SYNJ1: variants seen among roughly 807,000 people sequenced by gnomAD.
SYNJ1 encodes polyphosphatidylinositol phosphatase SYNJ1.
A neutral mutation model predicts 168.2 loss-of-function variants in SYNJ1; 78 were observed. The observed-to-expected ratio is 0.46, with a 90% CI of 0.39 to 0.56. The LOEUF is 0.56. SYNJ1 is among the 20% of genes least tolerant of loss of function. SYNJ1 has a pLI of 0.00. For synonymous variants in SYNJ1, 539 were observed against 548.6 expected (o/e 0.98, Z 0.24); for missense variants, 1,303 against 1,597.6 (o/e 0.82, Z 3.14).
intron 11 of SYNJ1, among the ~76,000 whole-genome samples, chr21:32,679,337 G>T (rs1379696989): frequency 6.6e-6 from 1 of 152,078 alleles, no homozygotes; most frequent in Non-Finnish European, 1.5e-5. Flanking sequence ...AGTCTCAAAA[G>T]AAATTTACAA....
At chr21:32,703,191 G>A (rs540998395) in intron 2 of SYNJ1, among the ~76,000 whole-genome samples, 1 of 152,190 alleles carries the variant, frequency 6.6e-6, no homozygotes, top group African/African-American at 2.4e-5. Flanking sequence ...AACTGACTCA[G>A]TCACTCAATT....
At chr21:32,663,116 T>C (rs2040781332) in intron 18 of SYNJ1, among the ~76,000 whole-genome samples, 1 of 152,164 alleles carries the variant, frequency 6.6e-6, no homozygotes, top group South Asian at 2.1e-4. Flanking sequence ...TCACATTATG[T>C]ATGTGGAGGA....
At chr21:32,633,587 A>G (rs1197211008) in intron 32 of SYNJ1, among the ~76,000 whole-genome samples, 1 of 152,234 alleles carries the variant, frequency 6.6e-6, no homozygotes, top group Non-Finnish European at 1.5e-5. Context: ...GCACTGCCCA[A>G]AAGGAATTTG....
At chr21:32,697,498 TAAAAAA>T (rs200017303) in intron 4 of SYNJ1, among the ~76,000 whole-genome samples, 1 of 143,684 alleles carries the variant, frequency 7.0e-6, no homozygotes, top group African/African-American at 2.5e-5. Context: ...TTAAGTGAAT[TAAAAAA>T]AAAAAAAAAG....
At chr21:32,642,533 A>G (rs2039887907) in intron 27 of SYNJ1, among the ~76,000 whole-genome samples, 1 of 152,242 alleles carries the variant, frequency 6.6e-6, no homozygotes. Flanking sequence ...AGCAACAGAC[A>G]GGACTGCATT....
intron 5 of SYNJ1, 135 bp downstream of exon 5, chr21:32,694,922 T>C (rs745966044): frequency 3.2e-5 from 31 of 981,198 alleles, no homozygotes; most frequent in Non-Finnish European, 4.3e-5. Flanking sequence ...TTAAGGCCCA[T>C]AAGTAACCAA....
chr21:32,728,071 C>A, upstream of SYNJ1: 1 of 1,522,198 alleles, frequency 6.6e-7, no homozygotes, highest in Non-Finnish European at 8.8e-7. Flanking sequence ...AAGATCCGCC[C>A]CGCGCGAGGG....
intron 8 of SYNJ1, 122 bp from the exon 9 acceptor site, chr21:32,686,039 C>T: frequency 1.1e-6 from 1 of 943,248 alleles, no homozygotes; most frequent in East Asian, 2.8e-5. Flanking sequence ...CAAAAACTAT[C>T]CCTGAGAGAT....
At chr21:32,693,575 T>TATAC (rs1321627673) in intron 6 of SYNJ1, among the ~76,000 whole-genome samples, 1 of 152,186 alleles carries the variant, frequency 6.6e-6, no homozygotes, top group African/African-American at 2.4e-5. Context: ...CTTACTAGAC[T>TATAC]ATACATACCC....
intron 18 of SYNJ1, among the ~76,000 whole-genome samples, chr21:32,661,780 T>C (rs1369689582): frequency 6.6e-6 from 1 of 152,150 alleles, no homozygotes; most frequent in Non-Finnish European, 1.5e-5. Context: ...ACTCCCCTTA[T>C]GAAATACTGT....
In SYNJ1 at chr21:32,639,068, G is replaced by A. The variant is rs60376283; in HGVS notation, c.3755C>T (p.Ser1252Phe). The change falls in exon 31 of 33, where the codon TCT becomes TTT. Residue 1252 changes from serine to phenylalanine, a missense_variant. Coordinates refer to ENST00000674351, the MANE Select transcript of SYNJ1 (RefSeq NM_203446.3). ...KPQAAFPPQS[S>F]LPPPAQRLQE... Reference sequence around the variant, plus strand: ...CAACCTTTGAGCAGGCGGGGGCAAAGAAGACTGCGGAGGAAAAGCAGCCTG... The same window carrying A: ...CAACCTTTGAGCAGGCGGGGGCAAAAAAGACTGCGGAGGAAAAGCAGCCTG... The A allele has an allele frequency of 6.2e-7, 1 of 1,614,142 alleles. No individual in the cohort carries two copies.
intron 2 of SYNJ1, among the ~76,000 whole-genome samples, chr21:32,707,739 A>C (rs2042666644): frequency 6.6e-6 from 1 of 152,238 alleles, no homozygotes; most frequent in Admixed American, 6.5e-5. Flanking sequence ...AACAAATGGA[A>C]AGGTTGTGCA....
intron 6 of SYNJ1, among the ~76,000 whole-genome samples, chr21:32,689,937 G>A (rs1441952851): frequency 6.6e-6 from 1 of 152,216 alleles, no homozygotes; most frequent in African/African-American, 2.4e-5. Context: ...TTAGACTGCA[G>A]AAAACTCACA....
intron 2 of SYNJ1, among the ~76,000 whole-genome samples, chr21:32,720,028 T>C (rs998512045): frequency 1.3e-5 from 2 of 151,898 alleles, no homozygotes; most frequent in Non-Finnish European, 2.9e-5. Context: ...TCACCTGAGG[T>C]CAGGAGCTCA....
chr21:32,645,704 GGGC>G lies in SYNJ1; in HGVS notation c.3330_3332del (p.Pro1111del). 2 of 1,480,568 alleles carry G rather than the reference GGGC, an allele frequency of 1.4e-6. No homozygotes were observed. The highest frequency in any genetic ancestry group is 1.8e-6 in the Non-Finnish European group (2 of 1,118,242). 91.7% of individuals were successfully genotyped at this position (1,480,568 alleles called of 1,614,324 possible). A position where few individuals can be genotyped will look rare whatever the true frequency, so the allele number is the denominator to read the frequency against. On this transcript the variant is annotated inframe_deletion, in exon 25 of 33. Transcript: ENST00000674351. ...GGCGTGTGGGAGGGGCGACCGGGCG[GGGC>G]GGCGGCGGCCGCTTGGGCTCCAAGG...
chr21:32,630,048 T>G lies in SYNJ1; in HGVS notation c.*1757A>C, dbSNP rs549581750. ...TGGGAGGGATATGGGCAACGTATAC[T>G]CGAACGTACGCAGAGAAGAGAGTAC... On this transcript the variant is annotated 3_prime_UTR_variant, in exon 33 of 33. Transcript: ENST00000674351. 1 of 152,344 alleles carries G rather than the reference T, an allele frequency of 6.6e-6. No homozygotes were observed. Among genetic ancestry groups the G allele is most frequent in the South Asian group, 2.1e-4 (1 of 4,830 alleles). 9.4% of individuals were successfully genotyped at this position (152,344 alleles called of 1,614,324 possible). A position where few individuals can be genotyped will look rare whatever the true frequency, so the allele number is the denominator to read the frequency against.
intron 6 of SYNJ1, among the ~76,000 whole-genome samples, chr21:32,690,628 T>G (rs992027224): frequency 3.3e-5 from 5 of 152,210 alleles, no homozygotes; most frequent in African/African-American, 1.2e-4. Flanking sequence ...TGGTGGCTCA[T>G]GCCTGTAATC....
chr21:32,638,629 G>A (rs1451506125), intron 31 of SYNJ1, among the ~76,000 whole-genome samples: 3 of 152,044 alleles, frequency 2.0e-5, no homozygotes, highest in Non-Finnish European at 4.4e-5. Context: ...CCCGGGAGGC[G>A]GAGGTTGCAG....
Position 32,666,114 on chromosome 21 carries a change from C to T in SYNJ1, c.1974G>A (p.Val658=). The change falls in exon 17 of 33, where the codon GTG becomes GTA. Residue 658 remains valine (V), a synonymous_variant. Coordinates refer to ENST00000674351, the MANE Select transcript of SYNJ1 (RefSeq NM_203446.3). ...PFIRDVAVDT[V]KTGMGGATGN... ...CAGTTGCACCTCCCATTCCAGTCTT[C>T]ACAGTATCAACTGCAACATCCCTTT... 1 of 1,606,086 alleles carries T rather than the reference C, an allele frequency of 6.2e-7. No homozygotes were observed. The highest frequency in any genetic ancestry group is 8.5e-7 in the Non-Finnish European group (1 of 1,177,374).
Sources: allele counts gnomAD v4.1 joint callset (sites outside exome capture counted in the v4.1 genomes callset), GRCh38; gene constraint gnomAD v4.1.1; transcripts MANE v1.5; gene names NCBI Gene and HGNC (gene_info 2026-07-23, HGNC 2026-07-21).